Variants in THRB observed in about 807,000 individuals in gnomAD.
The protein encoded by THRB is nuclear receptor subfamily 1 group A member 2.
In THRB, 12 loss-of-function variants were observed where a neutral mutation model predicts 47.8. The observed-to-expected ratio is 0.25, with a 90% CI of 0.16 to 0.41. The LOEUF is 0.41. Among genes scored for constraint, THRB ranks in the 10% least tolerant of loss-of-function variants. The probability of loss-of-function intolerance (pLI) is 1.00; values close to 1 mark genes in which losing one functional copy is unlikely to be tolerated. For synonymous variants in THRB, 218 were observed against 212.2 expected, an observed-to-expected ratio of 1.03 and a Z score of -0.24; for missense variants, 348 against 589.2, an observed-to-expected ratio of 0.59 and a Z score of 4.24.
At chr3:24,259,401 T>A (rs2051683508) in intron 3 of THRB, among the ~76,000 whole-genome samples, 1 of 152,178 alleles carries the variant, frequency 6.6e-6, no homozygotes, top group African/African-American at 2.4e-5. Context: ...ACACTATTAG[T>A]GCTCAGACAC....
At chr3:24,272,065 G>T (rs2053392048) in intron 3 of THRB, among the ~76,000 whole-genome samples, 1 of 152,154 alleles carries the variant, frequency 6.6e-6, no homozygotes, top group Non-Finnish European at 1.5e-5. Flanking sequence ...CCTATAGTCT[G>T]GGCATAGGGC....
intron 1 of THRB, among the ~76,000 whole-genome samples, chr3:24,359,119 T>A (rs2063894586): frequency 6.6e-6 from 1 of 152,080 alleles, no homozygotes; most frequent in South Asian, 2.1e-4. Flanking sequence ...ATTTTGTGGG[T>A]CCAGAATTCA....
In THRB at chr3:24,118,237, T is replaced by C. The variant is rs2030999930; in HGVS notation, c.*4647A>G. ...TATCTGTTATAAGCTTTTTCTTTTT[T>C]AGAATTTAAGCTTATGAGTTTATCT... On this transcript the variant is annotated 3_prime_UTR_variant, in exon 11 of 11. Coordinates refer to ENST00000646209, the MANE Select transcript of THRB (RefSeq NM_001354712.2). The C allele has an allele frequency of 6.6e-6, 1 of 152,644 alleles. No individual in the cohort carries two copies. The highest frequency in any genetic ancestry group is 6.5e-5 in the Admixed American group (1 of 15,286). The allele number at this position is 152,644 out of a possible 1,614,324, so 9.5% of individuals were successfully genotyped here.
At chr3:24,353,426 C>T (rs2063484920) in intron 1 of THRB, among the ~76,000 whole-genome samples, 1 of 152,056 alleles carries the variant, frequency 6.6e-6, no homozygotes, top group South Asian at 2.1e-4. Flanking sequence ...AAATGAAGGT[C>T]GCACAAAGAA....
At chr3:24,326,988 C>T (rs923251996) in intron 2 of THRB, among the ~76,000 whole-genome samples, 4 of 151,974 alleles carry the variant, frequency 2.6e-5, no homozygotes, top group Non-Finnish European at 5.9e-5. Flanking sequence ...TAGTCTCAAA[C>T]TCCTGACCTC....
intron 2 of THRB, among the ~76,000 whole-genome samples, chr3:24,301,349 T>A (rs548793322): frequency 4.2e-4 from 64 of 152,350 alleles, no homozygotes; most frequent in African/African-American, 1.5e-3. Flanking sequence ...AGGTTGAGCG[T>A]ATTTTCATGT....
intron 3 of THRB, among the ~76,000 whole-genome samples, chr3:24,289,922 A>G (rs887630352): frequency 4.6e-5 from 7 of 152,150 alleles, no homozygotes; most frequent in Admixed American, 3.3e-4. Context: ...CCCCATCCCC[A>G]GCAAAGGCCT....
chr3:24,282,761 C>A, intron 3 of THRB, among the ~76,000 whole-genome samples: 1 of 149,598 alleles, frequency 6.7e-6, no homozygotes. Flanking sequence ...ATATCACCAC[C>A]GATCCCACAG....
chr3:24,470,535 T>C (rs981739521), intron 1 of THRB, among the ~76,000 whole-genome samples: 7 of 152,240 alleles, frequency 4.6e-5, no homozygotes, highest in African/African-American at 1.7e-4. Context: ...TGCCTGGTAC[T>C]TAATAAGCCC....
intron 2 of THRB, among the ~76,000 whole-genome samples, chr3:24,313,450 C>T (rs1399268688): frequency 6.6e-6 from 1 of 152,124 alleles, no homozygotes; most frequent in Non-Finnish European, 1.5e-5. Flanking sequence ...TCCTGCCACC[C>T]ACGGGACTAA....
chr3:24,186,902 G>A (rs967252397), intron 5 of THRB, among the ~76,000 whole-genome samples: 12 of 128,508 alleles, frequency 9.3e-5, no homozygotes, highest in African/African-American at 2.4e-4. Context: ...CCGAGATTGC[G>A]CCACTGCACT....
intron 1 of THRB, among the ~76,000 whole-genome samples, chr3:24,452,531 G>C (rs892934048): frequency 3.9e-5 from 6 of 151,984 alleles, no homozygotes; most frequent in Non-Finnish European, 8.8e-5. Flanking sequence ...ACATTCCTTT[G>C]GTCCTCACCT....
At chr3:24,334,321 A>G (rs1240269913) in intron 2 of THRB, among the ~76,000 whole-genome samples, 1 of 152,160 alleles carries the variant, frequency 6.6e-6, no homozygotes, top group African/African-American at 2.4e-5. Flanking sequence ...CTCTGCTAAG[A>G]TATATGAGAA....
rs1208738838 is a variant in THRB, at chr3:24,130,455, T to TG, written c.886-2699dup. On this transcript the variant is annotated intron_variant, in intron 9 of 10. Transcript: ENST00000646209. ...ACTGGAAAAAAACCATCTCAGGGGC[T>TG]GGGGGGGCGGTGGCATTCAAAGGGT... Among the ~76,000 whole-genome samples the TG allele has an allele frequency of 6.6e-5, 10 of 151,922 alleles. No homozygotes were observed. The East Asian group carries it at 1.2e-3, about 18-fold the overall frequency.
chr3:24,233,653 G>C (rs866204274), intron 3 of THRB, among the ~76,000 whole-genome samples: 11 of 151,572 alleles, frequency 7.3e-5, no homozygotes, highest in African/African-American at 2.2e-4. Context: ...ACCACATGTG[G>C]GCTGCTACAT....
At chr3:24,271,116 T>C (rs1025648024) in intron 3 of THRB, among the ~76,000 whole-genome samples, 1 of 152,210 alleles carries the variant, frequency 6.6e-6, no homozygotes, top group African/African-American at 2.4e-5. Context: ...TCGTTGAGGA[T>C]AGAAAGGCAG....
At chr3:24,324,441 T>C (rs1354163054) in intron 2 of THRB, among the ~76,000 whole-genome samples, 4 of 152,210 alleles carry the variant, frequency 2.6e-5, no homozygotes, top group South Asian at 2.1e-4. Context: ...GGCATTTTTT[T>C]CCAAATAAAC....
At position 24,461,151 on chromosome 3, in the gene THRB, AG is replaced by A. The variant is rs538643383; in HGVS notation, c.-261+33500del. ...ATGGAATATGAGTCACTAAGAAAAA[AG>A]AATTCATCAGCATCACTTTGGAGAG... On this transcript the variant is annotated intron_variant, in intron 1 of 10. Transcript: ENST00000646209. Among the ~76,000 whole-genome samples the A allele has an allele frequency of 1.1e-4, 17 of 152,346 alleles. 1 individual carries two copies. The South Asian group carries it at 3.3e-3, about 30-fold the overall frequency.
chr3:24,239,255 T>C (rs2049232801), intron 3 of THRB, among the ~76,000 whole-genome samples: 1 of 152,158 alleles, frequency 6.6e-6, no homozygotes, highest in South Asian at 2.1e-4. Context: ...CATTAGGTTC[T>C]TGTTTAATTC....
Sources: gnomAD v4.1 joint callset for allele counts (sites outside exome capture counted in the v4.1 genomes callset) on GRCh38, gnomAD v4.1.1 for gene constraint, MANE v1.5 for transcripts, NCBI Gene and HGNC (gene_info 2026-07-23, HGNC 2026-07-21) for gene names.